Variants in GREB1L observed in about 807,000 individuals in gnomAD.
The protein encoded by GREB1L is GREB1-like protein.
A neutral mutation model predicts 200.8 loss-of-function variants in GREB1L; 17 were observed. The observed-to-expected ratio is 0.08, with a 90% confidence interval of 0.06 to 0.13. The LOEUF (loss-of-function observed/expected upper bound fraction) is 0.13, where lower values mean the gene tolerates loss of function less well. Ranked by LOEUF, GREB1L falls within the 10% of genes least tolerant of loss-of-function variation. The pLI, the probability that GREB1L is intolerant of heterozygous loss-of-function variation, is 1.00. For synonymous variants in GREB1L, 789 were observed against 893.0 expected (o/e 0.88, Z 2.08); for missense variants, 1,657 against 2,367.7 (o/e 0.70, Z 6.23).
intron 7 of GREB1L, among the ~76,000 whole-genome samples, chr18:21,404,568 A>G (rs1567983238): frequency 6.6e-6 from 1 of 152,214 alleles, no homozygotes; most frequent in East Asian, 1.9e-4. Context: ...GACTGATCCT[A>G]CTGAGCAGAT....
intron 2 of GREB1L, among the ~76,000 whole-genome samples, chr18:21,376,703 G>C (rs1279640890): frequency 6.6e-6 from 1 of 150,994 alleles, no homozygotes; most frequent in Non-Finnish European, 1.5e-5. Context: ...TACTTGGGAG[G>C]CTGAGGCAGG....
intron 15 of GREB1L, among the ~76,000 whole-genome samples, chr18:21,460,905 G>A (rs759664954): frequency 4.0e-5 from 6 of 151,336 alleles, no homozygotes; most frequent in Non-Finnish European, 8.9e-5. Flanking sequence ...GAGACCAGCC[G>A]GGCCAACATA....
chr18:21,374,016 T>C (rs76739366), intron 2 of GREB1L, among the ~76,000 whole-genome samples: 2 of 152,122 alleles, frequency 1.3e-5, no homozygotes, highest in Non-Finnish European at 2.9e-5. Flanking sequence ...CTTTTTTTTT[T>C]CTTCAGGCCA....
chr18:21,248,129 A>G (rs2037638228), intron 1 of GREB1L, among the ~76,000 whole-genome samples: 1 of 152,224 alleles, frequency 6.6e-6, no homozygotes, highest in Non-Finnish European at 1.5e-5. Context: ...AATTTAATTC[A>G]GGTAGGAATT....
At chr18:21,454,246 G>A (rs1024965320) in intron 14 of GREB1L, 120 bp from the exon 15 acceptor site, 1 of 677,688 alleles carries the variant, frequency 1.5e-6, no homozygotes, top group Non-Finnish European at 2.5e-6. Flanking sequence ...TAGCAGGTGA[G>A]AATTCGTAGT....
chr18:21,500,730 G>A, intron 23 of GREB1L, 88 bp downstream of exon 23: 1 of 884,264 alleles, frequency 1.1e-6, no homozygotes. Flanking sequence ...TGGCTTCTGG[G>A]ATTTCTACAG....
At chr18:21,414,172 G>C (rs2031382177) in intron 7 of GREB1L, among the ~76,000 whole-genome samples, 1 of 152,052 alleles carries the variant, frequency 6.6e-6, no homozygotes, top group Non-Finnish European at 1.5e-5. Flanking sequence ...CAACAATTGA[G>C]CAAATCGTGA....
intron 7 of GREB1L, among the ~76,000 whole-genome samples, chr18:21,412,046 C>T (rs539703555): frequency 1.5e-3 from 171 of 116,880 alleles, no homozygotes; most frequent in African/African-American, 5.7e-3. Flanking sequence ...AGCGAGACTC[C>T]GTCTCAAAAA....
chr18:21,481,439 A>ATGTGTGTGTGTGTGTGTG (rs34711292), intron 17 of GREB1L, among the ~76,000 whole-genome samples: 1 of 127,500 alleles, frequency 7.8e-6, no homozygotes, highest in East Asian at 2.2e-4. Context: ...GTATATATGT[A>ATGTGTGTGTGTGTGTGTG]TGTGTGTGTG....
Position 21,475,397 on chromosome 18 carries a change from T to C in GREB1L, c.2364-1767T>C, listed in dbSNP as rs372737341. On this transcript the variant is annotated intron_variant, in intron 16 of 32. Coordinates refer to ENST00000424526, the MANE Select transcript of GREB1L (RefSeq NM_001142966.3). ...ATTTTTGAGATAGAGTCTCACTCTG[T>C]CACCCAGGCTGGAGTGCAGTGATGC... 1.7e-4 allele frequency among the ~76,000 whole-genome samples: 26 copies of C among 152,288 alleles called. No homozygotes were observed. In the Middle Eastern group the frequency reaches 0.024, roughly 139 times the overall value.
chr18:21,467,343 A>T (rs2035296998), intron 15 of GREB1L, among the ~76,000 whole-genome samples: 1 of 152,230 alleles, frequency 6.6e-6, no homozygotes, highest in Non-Finnish European at 1.5e-5. Context: ...GAAATCATTT[A>T]TCTGATACAG....
chr18:21,440,539 A>G (rs1158414917), intron 9 of GREB1L, among the ~76,000 whole-genome samples, 151 bp downstream of exon 9: 2 of 152,250 alleles, frequency 1.3e-5, no homozygotes, highest in East Asian at 1.9e-4. Flanking sequence ...TGCCTTCCCT[A>G]CATGCACAAG....
chr18:21,318,750 T>C (rs1314871352), intron 1 of GREB1L, among the ~76,000 whole-genome samples: 1 of 152,162 alleles, frequency 6.6e-6, no homozygotes, highest in East Asian at 1.9e-4. Flanking sequence ...CTTTTAACCT[T>C]GTAGGAGTCA....
chr18:21,489,024 G>A (rs1281618918), intron 18 of GREB1L, among the ~76,000 whole-genome samples: 1 of 152,158 alleles, frequency 6.6e-6, no homozygotes, highest in African/African-American at 2.4e-5. Context: ...TGTGCTCAGG[G>A]TAGCCAAGCA....
rs1413124447 is a variant in GREB1L at position 21,307,619 on chromosome 18, C to A, written c.-119-58408C>A. On this transcript the variant is annotated intron_variant, in intron 1 of 32. Transcript: ENST00000424526. The stretch of plus-strand genomic sequence containing the variant: ...TGTGTTGAAGATATCTTCCTTTTAC[C>A]CCTTCTGGTCACCTTTTCACCCTCC... Among the ~76,000 whole-genome samples, 3 of 152,032 alleles carry A rather than the reference C, an allele frequency of 2.0e-5. No individual in the cohort carries two copies. The East Asian group carries it at 5.8e-4, about 30-fold the overall frequency.
At chr18:21,262,383 A>G (rs1452504330) in intron 1 of GREB1L, among the ~76,000 whole-genome samples, 1 of 152,182 alleles carries the variant, frequency 6.6e-6, no homozygotes, top group Non-Finnish European at 1.5e-5. Context: ...GTTTTGAATG[A>G]CAGACCTTAT....
chr18:21,277,985 A>G (rs1416561910), intron 1 of GREB1L, among the ~76,000 whole-genome samples: 2 of 152,210 alleles, frequency 1.3e-5, no homozygotes, highest in African/African-American at 4.8e-5. Context: ...CTGATAAAAC[A>G]CAACAAAAAC....
intron 1 of GREB1L, among the ~76,000 whole-genome samples, chr18:21,302,856 G>A (rs2038640665): frequency 6.6e-6 from 1 of 152,088 alleles, no homozygotes; most frequent in Non-Finnish European, 1.5e-5. Context: ...CGAGTAGCTG[G>A]GACTACAGTC....
chr18:21,512,487 A>G (rs983745880), intron 27 of GREB1L, among the ~76,000 whole-genome samples: 1 of 152,180 alleles, frequency 6.6e-6, no homozygotes, highest in African/African-American at 2.4e-5. Context: ...TGAGGTATAG[A>G]AATGCAACTG....
Sources: gnomAD v4.1 joint callset for allele counts (sites outside exome capture counted in the v4.1 genomes callset) on GRCh38, gnomAD v4.1.1 for gene constraint, MANE v1.5 for transcripts, NCBI Gene and HGNC (gene_info 2026-07-23, HGNC 2026-07-21) for gene names.